The following RBL1 variants were observed in gnomAD, a reference collection of about 807,000 sequenced individuals.
RBL1 encodes retinoblastoma-like protein 1.
In RBL1, 82 loss-of-function variants were observed where a neutral mutation model predicts 123.0. The ratio of observed to expected loss-of-function variants is 0.67; its 90% CI spans 0.56 to 0.80. The LOEUF (loss-of-function observed/expected upper bound fraction) is 0.80, where lower values mean the gene tolerates loss of function less well. RBL1 is among the 30% of genes least tolerant of loss of function. The pLI is 0.00. For synonymous variants in RBL1, 405 were observed against 441.3 expected (o/e 0.92, Z 1.03); for missense variants, 1,171 against 1,299.6 (o/e 0.90, Z 1.52).
At chr20:37,046,095 AAAGGT>A (rs890187548) in intron 12 of RBL1, among the ~76,000 whole-genome samples, 4 of 152,228 alleles carry the variant, frequency 2.6e-5, no homozygotes, top group African/African-American at 9.6e-5. Context: ...CAAGAAAAAT[AAAGGT>A]AAGGTAAGTA....
At chr20:37,080,709 T>C (rs2065435409) in intron 2 of RBL1, among the ~76,000 whole-genome samples, 1 of 152,182 alleles carries the variant, frequency 6.6e-6, no homozygotes, top group Non-Finnish European at 1.5e-5. Context: ...TCCACCCGCC[T>C]AGGCCTCCCA....
rs548632417 is a variant in RBL1, at chr20:37,089,277, G to A, written c.157-155C>T. Among the ~76,000 whole-genome samples, 3 of 152,296 alleles carry A rather than the reference G, an allele frequency of 2.0e-5. No individual in the cohort carries two copies. The South Asian group carries it at 6.2e-4, about 32-fold the overall frequency. ...GATATTTGCCCAAGGTCACAAAGCT[G>A]TTAGTTGCAGTAATGGGTATAAAAC... is the stretch of plus-strand genomic sequence containing the variant. On this transcript the variant is annotated intron_variant, in intron 1 of 21. Transcript: ENST00000373664.
At chr20:37,023,676 A>C (rs941703628) in intron 16 of RBL1, among the ~76,000 whole-genome samples, 1 of 152,096 alleles carries the variant, frequency 6.6e-6, no homozygotes, top group African/African-American at 2.4e-5. Flanking sequence ...AAATAAATTC[A>C]GTTCAATTCC....
intron 2 of RBL1, among the ~76,000 whole-genome samples, chr20:37,081,238 A>T (rs1401823518): frequency 6.6e-6 from 1 of 152,210 alleles, no homozygotes; most frequent in Non-Finnish European, 1.5e-5. Context: ...CTTAGGAATG[A>T]ACCTTCCTAA....
At chr20:37,032,449 G>C (rs557932461) in intron 16 of RBL1, among the ~76,000 whole-genome samples, 4 of 152,026 alleles carry the variant, frequency 2.6e-5, no homozygotes, top group Non-Finnish European at 5.9e-5. Flanking sequence ...TTCAGAATGG[G>C]AAGACGAAAA....
intron 2 of RBL1, among the ~76,000 whole-genome samples, chr20:37,075,891 A>G (rs931607191): frequency 4.6e-5 from 7 of 152,232 alleles, no homozygotes; most frequent in Admixed American, 1.3e-4. Context: ...CAAAAATACA[A>G]AGATGCATAT....
chr20:37,087,526 G>T (rs1164816239), intron 2 of RBL1, among the ~76,000 whole-genome samples: 4 of 152,140 alleles, frequency 2.6e-5, no homozygotes, highest in Non-Finnish European at 2.9e-5. Context: ...GTTTGAGGCT[G>T]CAGTGAGCTA....
rs1600422557 is a variant in RBL1, at chr20:36,998,496, T to G, written c.*263A>C. The G allele has an allele frequency of 9.9e-6, 3 of 301,742 alleles. No individual in the cohort carries two copies. The highest frequency in any genetic ancestry group is 1.8e-4 in the East Asian group (2 of 11,080). The allele number at this position is 301,742 out of a possible 1,614,324, so 18.7% of individuals were successfully genotyped here. ...GCCTTGGCCTCCCAAAGTCCTGGGATTACAGGCGTGAGCCACAGCGCCTGG... is the reference window on the plus strand; with the variant it reads ...GCCTTGGCCTCCCAAAGTCCTGGGAGTACAGGCGTGAGCCACAGCGCCTGG... On this transcript the variant is annotated 3_prime_UTR_variant, in exon 22 of 22. Coordinates refer to ENST00000373664, the MANE Select transcript of RBL1 (RefSeq NM_002895.5).
intron 14 of RBL1, among the ~76,000 whole-genome samples, chr20:37,036,631 T>C (rs536967479): frequency 8.8e-5 from 13 of 148,126 alleles, no homozygotes; most frequent in East Asian, 5.9e-4. Context: ...CTTTTCTTTT[T>C]TTTTTTTTTT....
chr20:37,059,314 A>C (rs1024429415), intron 9 of RBL1, among the ~76,000 whole-genome samples: 3 of 152,202 alleles, frequency 2.0e-5, no homozygotes, highest in Non-Finnish European at 4.4e-5. Context: ...GGGAGAGCTC[A>C]GCTATGTTCA....
intron 2 of RBL1, among the ~76,000 whole-genome samples, chr20:37,080,440 C>T (rs1417206657): frequency 6.7e-6 from 1 of 149,154 alleles, no homozygotes; most frequent in Non-Finnish European, 1.5e-5. Flanking sequence ...TGCCTGGTCC[C>T]GCCGCAATTT....
intron 16 of RBL1, among the ~76,000 whole-genome samples, chr20:37,026,703 C>CAA (rs112646063): frequency 1.3e-4 from 13 of 98,024 alleles, no homozygotes; most frequent in African/African-American, 4.7e-4. Flanking sequence ...GACTCCATCT[C>CAA]AAAAAAAAAA....
intron 20 of RBL1, among the ~76,000 whole-genome samples, chr20:37,006,274 C>T (rs186829140): frequency 5.3e-5 from 8 of 150,202 alleles, no homozygotes; most frequent in African/African-American, 2.4e-5. Flanking sequence ...GATCTCTGCT[C>T]ACTGCAACCT....
intron 13 of RBL1, among the ~76,000 whole-genome samples, chr20:37,043,197 T>C (rs1391813573): frequency 1.4e-5 from 2 of 145,764 alleles, no homozygotes; most frequent in South Asian, 2.2e-4. Context: ...ATTAGCCGGG[T>C]GTGGCCAGGC....
At chr20:37,008,575 A>G (rs946586047) in intron 19 of RBL1, among the ~76,000 whole-genome samples, 2 of 152,220 alleles carry the variant, frequency 1.3e-5, no homozygotes, top group African/African-American at 4.8e-5. Context: ...GGTATTACAA[A>G]CTATCATTTA....
Position 37,003,697 on chromosome 20 carries a change from C to T in RBL1, c.3036+5G>A, listed in dbSNP as rs753925465. 1 of 1,597,462 alleles carries T rather than the reference C, an allele frequency of 6.3e-7. No homozygotes were observed. Among genetic ancestry groups the T allele is most frequent in the East Asian group, 2.2e-5 (1 of 44,476 alleles). On this transcript the variant is annotated splice_donor_5th_base_variant and intron_variant, in intron 21 of 21. Transcript: ENST00000373664. ...GAAATCCAACTTTTAGCCTATTCAC[C>T]TTACCTTAGAAGGGCTGCCATTGAA... is the stretch of plus-strand genomic sequence containing the variant.
intron 19 of RBL1, among the ~76,000 whole-genome samples, chr20:37,017,167 T>G (rs1037950386): frequency 6.6e-6 from 1 of 151,554 alleles, no homozygotes; most frequent in Non-Finnish European, 1.5e-5. Context: ...GAGCTCACGA[T>G]TTCGAGACCA....
At chr20:37,033,018 CTTTTT>C (rs11311040) in intron 15 of RBL1, 142 bp from the exon 16 acceptor site, 649 of 899,536 alleles carry the variant, frequency 7.2e-4, no homozygotes, top group East Asian at 9.4e-4. Flanking sequence ...TGACTGAATT[CTTTTT>C]TTTTTTTTTT....
At chr20:37,041,960 C>A (rs2064734816) in intron 13 of RBL1, among the ~76,000 whole-genome samples, 1 of 151,392 alleles carries the variant, frequency 6.6e-6, no homozygotes, top group Admixed American at 6.6e-5. Flanking sequence ...GTAGTCCCAG[C>A]TACTCAGGAG....
Sources: allele counts gnomAD v4.1 joint callset (sites outside exome capture counted in the v4.1 genomes callset), GRCh38; gene constraint gnomAD v4.1.1; transcripts MANE v1.5; gene names NCBI Gene and HGNC (gene_info 2026-07-23, HGNC 2026-07-21).